Variants in WWOX observed in about 807,000 individuals in gnomAD.
WWOX encodes the protein WW domain containing oxidoreductase.
A neutral mutation model predicts 46.2 loss-of-function variants in WWOX; 69 were observed. The observed-to-expected ratio is 1.49, with a 90% CI of 1.23 to 1.82. WWOX has a LOEUF of 1.82. Among genes scored for constraint, WWOX ranks in the 40% most tolerant of loss-of-function variants. The probability of loss-of-function intolerance (pLI) is 0.00; values close to 1 mark genes in which losing one functional copy is unlikely to be tolerated. For synonymous variants in WWOX, 359 were observed against 202.6 expected, an observed-to-expected ratio of 1.77 and a Z score of -6.56; for missense variants, 919 against 542.6, an observed-to-expected ratio of 1.69 and a Z score of -6.89.
intron 5 of WWOX, among the ~76,000 whole-genome samples, chr16:78,333,913 C>G (rs963857542): frequency 6.6e-6 from 1 of 150,648 alleles, no homozygotes; most frequent in Admixed American, 6.6e-5. Flanking sequence ...GGTATCATCT[C>G]CTCCCCCTCT....
At chr16:78,446,549 T>C (rs928228309) in intron 8 of WWOX, among the ~76,000 whole-genome samples, 2 of 152,120 alleles carry the variant, frequency 1.3e-5, no homozygotes, top group African/African-American at 2.4e-5. Flanking sequence ...ACTCCTATTA[T>C]TGATATTATA....
intron 5 of WWOX, among the ~76,000 whole-genome samples, chr16:78,169,011 G>C (rs959477313): frequency 2.6e-5 from 4 of 152,018 alleles, no homozygotes; most frequent in Non-Finnish European, 4.4e-5. Flanking sequence ...AATCCATTTG[G>C]CATAATTAAA....
intron 4 of WWOX, among the ~76,000 whole-genome samples, chr16:78,132,165 C>T (rs1597245491): frequency 6.6e-6 from 1 of 151,712 alleles, no homozygotes; most frequent in African/African-American, 2.4e-5. Flanking sequence ...GCTGGGACTA[C>T]AGGTGCCCGC....
At chr16:78,928,448 C>T (rs938940230) in intron 8 of WWOX, among the ~76,000 whole-genome samples, 6 of 151,870 alleles carry the variant, frequency 4.0e-5, no homozygotes, top group Non-Finnish European at 8.8e-5. Context: ...GTGATCTGCC[C>T]GCCTCGGCCT....
chr16:78,901,764 C>CA (rs2044837010), intron 8 of WWOX, among the ~76,000 whole-genome samples: 1 of 152,222 alleles, frequency 6.6e-6, no homozygotes, highest in African/African-American at 2.4e-5. Context: ...GCTGGGATTA[C>CA]AGGCGTGAGC....
intron 8 of WWOX, chr16:78,551,244 C>G (rs913615495): frequency 9.9e-5 from 15 of 152,094 alleles, no homozygotes; most frequent in Non-Finnish European, 1.2e-4. Flanking sequence ...TTGAAGAAAC[C>G]TAATGAAAAC....
intron 8 of WWOX, among the ~76,000 whole-genome samples, chr16:78,481,965 G>A (rs1367772588): frequency 6.6e-6 from 1 of 152,132 alleles, no homozygotes; most frequent in Non-Finnish European, 1.5e-5. Context: ...GGTTAAGGCT[G>A]AGCTGCCTAG....
chr16:79,014,852 C>G (rs1010031398), intron 8 of WWOX, among the ~76,000 whole-genome samples: 3 of 152,160 alleles, frequency 2.0e-5, no homozygotes, highest in South Asian at 2.1e-4. Context: ...ATCTGATTCT[C>G]TTTTACAAGC....
chr16:78,407,655 G>A (rs2082579341), intron 6 of WWOX, among the ~76,000 whole-genome samples: 1 of 152,114 alleles, frequency 6.6e-6, no homozygotes. Flanking sequence ...TGTCTCCACA[G>A]CATAAATGAC....
At chr16:79,062,543 C>G (rs2048374318) in intron 8 of WWOX, among the ~76,000 whole-genome samples, 1 of 152,004 alleles carries the variant, frequency 6.6e-6, no homozygotes, top group Non-Finnish European at 1.5e-5. Context: ...GGATTCTTCA[C>G]CAAGCACTTA....
intron 8 of WWOX, among the ~76,000 whole-genome samples, chr16:78,973,533 A>G (rs72808761): frequency 0.012 from 1,811 of 151,838 alleles, 17 homozygotes; most frequent in Non-Finnish European, 0.02. Flanking sequence ...CCCTTTATTT[A>G]TTTATTTTCT....
At chr16:78,174,576 C>G (rs992582009) in intron 5 of WWOX, among the ~76,000 whole-genome samples, 1 of 152,202 alleles carries the variant, frequency 6.6e-6, no homozygotes, top group Non-Finnish European at 1.5e-5. Flanking sequence ...TCCCCAAAAT[C>G]TTAACTCATT....
intron 8 of WWOX, among the ~76,000 whole-genome samples, chr16:78,964,089 G>A (rs913889085): frequency 6.6e-6 from 1 of 152,184 alleles, no homozygotes; most frequent in Non-Finnish European, 1.5e-5. Flanking sequence ...CTCAGGTTAT[G>A]TCTTTATCAG....
intron 8 of WWOX, among the ~76,000 whole-genome samples, chr16:78,584,784 A>T (rs773374460): frequency 6.6e-6 from 1 of 152,210 alleles, no homozygotes; most frequent in Non-Finnish European, 1.5e-5. Context: ...TTTTCCATTC[A>T]TCTGGTGATG....
intron 8 of WWOX, among the ~76,000 whole-genome samples, chr16:78,888,855 T>C (rs1396310692): frequency 6.6e-6 from 1 of 152,152 alleles, no homozygotes; most frequent in East Asian, 1.9e-4. Flanking sequence ...GTCTCAAGAC[T>C]GCCCAGCAGT....
intron 8 of WWOX, among the ~76,000 whole-genome samples, chr16:78,809,033 C>T (rs1036920931): frequency 1.3e-5 from 2 of 152,002 alleles, no homozygotes; most frequent in African/African-American, 2.4e-5. Flanking sequence ...AGGTTGCAGG[C>T]TTCATACCAA....
At chr16:78,460,412 C>T (rs1311973809) in intron 8 of WWOX, among the ~76,000 whole-genome samples, 1 of 152,180 alleles carries the variant, frequency 6.6e-6, no homozygotes, top group Non-Finnish European at 1.5e-5. Flanking sequence ...CTGGCTGATA[C>T]TTTCCTTAGT....
chr16:78,942,823 G>C lies in WWOX; in HGVS notation c.1057-268785G>C, dbSNP rs191093765. Among the ~76,000 whole-genome samples the C allele has an allele frequency of 2.2e-3, 338 of 152,306 alleles. 2 individuals are homozygous for C. Among genetic ancestry groups the C allele is most frequent in the African/African-American group, 7.8e-3 (326 of 41,568 alleles). On this transcript the variant is annotated intron_variant, in intron 8 of 8. Coordinates refer to ENST00000566780, the MANE Select transcript of WWOX (RefSeq NM_016373.4). ...TGCACTTCTCTCTGGTTTCCCGGAAGGGATGAATTCCAAATCCCGTGGCTC... is the reference window on the plus strand; with the variant it reads ...TGCACTTCTCTCTGGTTTCCCGGAACGGATGAATTCCAAATCCCGTGGCTC...
intron 3 of WWOX, among the ~76,000 whole-genome samples, chr16:78,111,413 T>C (rs561822437): frequency 3.6e-4 from 55 of 152,334 alleles, no homozygotes; most frequent in African/African-American, 1.3e-3. Flanking sequence ...CTGGCATGTA[T>C]AGGCTCAGGT....
Sources: gnomAD v4.1 joint callset for allele counts (sites outside exome capture counted in the v4.1 genomes callset) on GRCh38, gnomAD v4.1.1 for gene constraint, MANE v1.5 for transcripts, NCBI Gene and HGNC (gene_info 2026-07-23, HGNC 2026-07-21) for gene names.